NTM: variants seen among roughly 807,000 people sequenced by gnomAD.
The protein encoded by NTM is IgLON family member 2.
NTM carries 13 observed loss-of-function variants against 42.1 expected under a neutral mutation model. The observed-to-expected ratio is 0.31, with a 90% confidence interval of 0.20 to 0.49. NTM has a LOEUF of 0.49. Ranked by LOEUF, NTM falls within the 20% of genes least tolerant of loss-of-function variation. The pLI, the probability that NTM is intolerant of heterozygous loss-of-function variation, is 0.99. For synonymous variants in NTM, 187 were observed against 179.2 expected (o/e 1.04, Z -0.35); for missense variants, 373 against 452.8 (o/e 0.82, Z 1.60).
intron 3 of NTM, among the ~76,000 whole-genome samples, chr11:132,147,202 TGTGTGTGTGTGTGA>T (rs1251165455): frequency 1.3e-3 from 191 of 145,198 alleles, no homozygotes; most frequent in African/African-American, 5.0e-3. Context: ...TGTGTGTGTG[TGTGTGTGTGTGTGA>T]GAGAGAGAGA....
chr11:131,729,562 C>T (rs1236408586), intron 1 of NTM, among the ~76,000 whole-genome samples: 3 of 152,130 alleles, frequency 2.0e-5, no homozygotes, highest in Non-Finnish European at 4.4e-5. Flanking sequence ...CCAAAAGAAA[C>T]CCTGTACCCA....
chr11:131,880,325 C>A (rs1565669989), intron 1 of NTM, among the ~76,000 whole-genome samples: 1 of 152,268 alleles, frequency 6.6e-6, no homozygotes, highest in South Asian at 2.1e-4. Context: ...AGCAAACAGA[C>A]CTGGATCTAA....
rs753935941 is a variant in NTM, at chr11:132,314,766, G to A, written c.934+63G>A. The A allele has an allele frequency of 3.8e-5, 58 of 1,515,882 alleles. 1 individual carries two copies. The Middle Eastern group carries it at 2.9e-3, about 74-fold the overall frequency. 93.9% of individuals were successfully genotyped at this position (1,515,882 alleles called of 1,614,324 possible). A position where few individuals can be genotyped will look rare whatever the true frequency, so the allele number is the denominator to read the frequency against. On this transcript the variant is annotated intron_variant, in intron 7 of 8. Coordinates refer to ENST00000683400, the MANE Select transcript of NTM (RefSeq NM_001352005.2). ...AGGGTGCAGAACGGGAGAGCTGGGT[G>A]GGAGGGCCCCTCAAGGCCAGGGTCA... is the stretch of plus-strand genomic sequence containing the variant.
At chr11:131,923,323 G>A (rs150654885) in intron 2 of NTM, among the ~76,000 whole-genome samples, 1 of 152,170 alleles carries the variant, frequency 6.6e-6, no homozygotes, top group Admixed American at 6.5e-5. Flanking sequence ...TCTATTACAG[G>A]ATATTTGTTG....
chr11:132,173,839 T>C (rs2076421343), intron 3 of NTM, among the ~76,000 whole-genome samples: 1 of 152,234 alleles, frequency 6.6e-6, no homozygotes, highest in Non-Finnish European at 1.5e-5. Flanking sequence ...CAGGTAGCAG[T>C]TGTTTTTGAA....
In NTM at chr11:131,598,755, C is replaced by T. The variant is rs11222711; in HGVS notation, c.82+227867C>T. 3.0e-3 allele frequency among the ~76,000 whole-genome samples: 94 copies of T among 31,104 alleles called. 2 individuals are homozygous for T. The highest frequency in any genetic ancestry group is 8.6e-3 in the African/African-American group (89 of 10,316). 20.4% of individuals were successfully genotyped at this position (31,104 alleles called of 152,430 possible). A position where few individuals can be genotyped will look rare whatever the true frequency, so the allele number is the denominator to read the frequency against. On this transcript the variant is annotated intron_variant, in intron 1 of 8. Coordinates refer to ENST00000683400, the MANE Select transcript of NTM (RefSeq NM_001352005.2). ...TCTTTCTTTCTTTCTTTCTTTCTTT[C>T]TTCTTTCTTTTTTTCTTTCTTTCTT... is the stretch of plus-strand genomic sequence containing the variant.
intron 1 of NTM, among the ~76,000 whole-genome samples, chr11:131,570,429 C>T (rs2057340409): frequency 6.6e-6 from 1 of 152,114 alleles, no homozygotes; most frequent in Admixed American, 6.5e-5. Context: ...AATAAATGAA[C>T]CTTGAAAGAG....
At chr11:132,175,247 T>C (rs2076633362) in intron 3 of NTM, among the ~76,000 whole-genome samples, 2 of 152,134 alleles carry the variant, frequency 1.3e-5, no homozygotes, top group Admixed American at 1.3e-4. Flanking sequence ...TATGATCTTC[T>C]CTCAGTTCTG....
At chr11:131,740,773 C>T (rs1053521589) in intron 1 of NTM, among the ~76,000 whole-genome samples, 2 of 152,102 alleles carry the variant, frequency 1.3e-5, no homozygotes, top group Admixed American at 1.3e-4. Context: ...GTTTATTGAC[C>T]CTGAATGTGG....
intron 1 of NTM, among the ~76,000 whole-genome samples, chr11:131,894,348 G>A (rs1402275695): frequency 3.9e-5 from 6 of 152,228 alleles, no homozygotes; most frequent in African/African-American, 1.4e-4. Flanking sequence ...CACCCTGGAT[G>A]TGCATATGGG....
intron 1 of NTM, among the ~76,000 whole-genome samples, chr11:131,859,211 T>C (rs2046384534): frequency 6.6e-6 from 1 of 152,172 alleles, no homozygotes; most frequent in African/African-American, 2.4e-5. Flanking sequence ...TTTATAGAGT[T>C]CACAATTTAG....
chr11:132,037,132 A>G (rs1393373258), intron 2 of NTM, among the ~76,000 whole-genome samples: 7 of 152,126 alleles, frequency 4.6e-5, no homozygotes, highest in Admixed American at 1.3e-4. Flanking sequence ...AGGTGTTTGG[A>G]CCACCGGGAT....
chr11:132,190,296 A>G (rs1292205460), intron 3 of NTM, among the ~76,000 whole-genome samples: 1 of 152,230 alleles, frequency 6.6e-6, no homozygotes, highest in Non-Finnish European at 1.5e-5. Context: ...TATGTGAGGT[A>G]GCATAGCAAG....
intron 2 of NTM, among the ~76,000 whole-genome samples, chr11:132,041,828 C>T (rs1287877335): frequency 2.0e-5 from 3 of 152,146 alleles, no homozygotes; most frequent in Non-Finnish European, 2.9e-5. Context: ...TTCAGCAAGT[C>T]ACTGACCCAC....
intron 1 of NTM, among the ~76,000 whole-genome samples, chr11:131,518,648 C>T (rs2049195704): frequency 6.6e-6 from 1 of 152,294 alleles, no homozygotes; most frequent in Middle Eastern, 3.4e-3. Flanking sequence ...TGGATTTCCT[C>T]AGTGACTCAC....
intron 1 of NTM, among the ~76,000 whole-genome samples, chr11:131,753,809 G>A (rs886584873): frequency 6.6e-6 from 1 of 151,692 alleles, no homozygotes; most frequent in Non-Finnish European, 1.5e-5. Context: ...GAATTAATGG[G>A]TGCAGCACAC....
chr11:132,167,830 C>G (rs2075515653), intron 3 of NTM, among the ~76,000 whole-genome samples: 1 of 152,132 alleles, frequency 6.6e-6, no homozygotes, highest in African/African-American at 2.4e-5. Flanking sequence ...TCCCCCTAGC[C>G]AAATACGAAT....
chr11:131,905,904 G>A (rs532067356), intron 1 of NTM, among the ~76,000 whole-genome samples: 9 of 152,262 alleles, frequency 5.9e-5, no homozygotes, highest in Non-Finnish European at 1.0e-4. Context: ...CTGGATAAGT[G>A]TAATGAGACA....
intron 1 of NTM, among the ~76,000 whole-genome samples, chr11:131,565,227 G>T (rs1367452975): frequency 6.6e-6 from 1 of 152,154 alleles, no homozygotes; most frequent in Non-Finnish European, 1.5e-5. Context: ...CTGCCTCTCT[G>T]TCCACCTCCA....
Sources: gnomAD v4.1 joint callset for allele counts (sites outside exome capture counted in the v4.1 genomes callset) on GRCh38, gnomAD v4.1.1 for gene constraint, MANE v1.5 for transcripts, NCBI Gene and HGNC (gene_info 2026-07-23, HGNC 2026-07-21) for gene names.